DNAH3: variants seen among roughly 807,000 people sequenced by gnomAD.
The protein encoded by DNAH3 is dynein axonemal heavy chain 3.
Under a neutral mutation model 432.5 loss-of-function variants are expected in DNAH3, and 332 were observed. The ratio of observed to expected loss-of-function variants is 0.77; its 90% CI spans 0.70 to 0.84. DNAH3 has a LOEUF of 0.84. Among genes scored for constraint, DNAH3 ranks in the 40% least tolerant of loss-of-function variants. DNAH3 has a pLI of 0.00. For synonymous variants in DNAH3, 1,956 were observed against 1,900.2 expected, an observed-to-expected ratio of 1.03 and a Z score of -0.76; for missense variants, 4,861 against 5,114.0, an observed-to-expected ratio of 0.95 and a Z score of 1.51.
At chr16:21,050,146 A>C in intron 29 of DNAH3, 128 bp from the exon 30 acceptor site, 1 of 685,702 alleles carries the variant, frequency 1.5e-6, no homozygotes, top group Non-Finnish European at 2.4e-6. Context: ...TTTGCCATTG[A>C]AAGTAATGCT....
intron 25 of DNAH3, among the ~76,000 whole-genome samples, 170 bp from the exon 26 acceptor site, chr16:21,060,526 CTTTTTTTTTTT>C (rs375746116): frequency 3.2e-5 from 3 of 93,420 alleles, no homozygotes; most frequent in Admixed American, 1.4e-4. Context: ...TTTTTTTTTT[CTTTTTTTTTTT>C]TTTTTTGATA....
intron 54 of DNAH3, among the ~76,000 whole-genome samples, chr16:20,958,935 T>G (rs1868871840): frequency 6.6e-6 from 1 of 152,038 alleles, no homozygotes; most frequent in Non-Finnish European, 1.5e-5. Context: ...GCCTGGCTAA[T>G]TTTTGTATTT....
intron 20 of DNAH3, among the ~76,000 whole-genome samples, chr16:21,078,998 A>G (rs1214097568): frequency 1.3e-5 from 2 of 152,232 alleles, no homozygotes; most frequent in Non-Finnish European, 2.9e-5. Context: ...GGCGCACAGA[A>G]GGAAACAACT....
chr16:20,989,818 C>G (rs1306163480), intron 44 of DNAH3, among the ~76,000 whole-genome samples: 2 of 152,238 alleles, frequency 1.3e-5, no homozygotes, highest in Non-Finnish European at 2.9e-5. Flanking sequence ...AGTGAGAAAT[C>G]GAGCGCAGCA....
At chr16:21,145,089 G>T (rs1449513138) in intron 3 of DNAH3, 92 bp downstream of exon 4, 1 of 1,148,166 alleles carries the variant, frequency 8.7e-7, no homozygotes, top group Non-Finnish European at 1.2e-6. Context: ...TCCAGCCTGG[G>T]CGACAGAGTG....
rs748722264 is a variant in DNAH3 at position 20,963,739 on chromosome 16, A to C, written c.10145T>G (p.Met3382Arg). 1.9e-6 allele frequency: 3 copies of C among 1,614,054 alleles called. No homozygotes were observed. The Admixed American group carries it at 5.0e-5, about 27-fold the overall frequency. The change falls in exon 53 of 62, where the codon ATG becomes AGG. Residue 3382 changes from methionine (M) to arginine (R), a missense_variant. Physicochemically the swap from Met to Arg is moderately conservative, Grantham distance 91 (BLOSUM62 -1). Transcript: ENST00000261383. ...CTCCGTAATTTCCTTCTTCTGTTTC[A>C]TGATGCCGATGGTCAGGAGGAGAGA...
chr16:21,157,871 C>A (rs1157182202), intron 1 of DNAH3, among the ~76,000 whole-genome samples: 4 of 150,976 alleles, frequency 2.6e-5, no homozygotes, highest in Admixed American at 1.3e-4. Flanking sequence ...GACGATGGGG[C>A]CTTCCAGGGG....
intron 1 of DNAH3, chr16:21,158,816 G>C (rs2092922558): frequency 6.2e-6 from 1 of 160,682 alleles, no homozygotes; most frequent in Admixed American, 6.0e-5. Context: ...GCCGGGCGGG[G>C]ACAGAGGAGG....
chr16:20,955,024 A>G (rs755205945), exon 55 of DNAH3: 2 of 1,612,768 alleles, frequency 1.2e-6, no homozygotes, highest in Non-Finnish European at 1.7e-6. Flanking sequence ...TGCTGACTGG[A>G]AACTTCTCTG....
At chr16:20,965,459 A>C in intron 52 of DNAH3, 34 bp from the exon 53 acceptor site, 1 of 1,479,150 alleles carries the variant, frequency 6.8e-7, no homozygotes, top group Non-Finnish European at 9.0e-7. Context: ...TAATGTGTTA[A>C]GACATTCTGG....
intron 1 of DNAH3, among the ~76,000 whole-genome samples, chr16:21,156,996 A>AACACACACACAC (rs34199213): frequency 0.03 from 4,475 of 147,472 alleles, 119 homozygotes; most frequent in African/African-American, 0.062. Flanking sequence ...AATCTAAGGA[A>AACACACACACAC]ACACACACAC....
At chr16:20,972,625 T>C (rs1173448228) in intron 51 of DNAH3, among the ~76,000 whole-genome samples, 1 of 152,068 alleles carries the variant, frequency 6.6e-6, no homozygotes, top group Non-Finnish European at 1.5e-5. Context: ...GTATTCATTA[T>C]GTGACTCTGA....
intron 56 of DNAH3, among the ~76,000 whole-genome samples, chr16:20,950,241 C>T (rs2084251596): frequency 6.6e-6 from 1 of 152,196 alleles, no homozygotes; most frequent in African/African-American, 2.4e-5. Flanking sequence ...TTAGGGAACA[C>T]TCTACTGAGT....
chr16:21,033,616 G>T (rs1597196509), intron 36 of DNAH3, among the ~76,000 whole-genome samples: 2 of 152,168 alleles, frequency 1.3e-5, no homozygotes, highest in Non-Finnish European at 2.9e-5. Flanking sequence ...AACAGGAAAA[G>T]AAGAGAATAG....
chr16:20,939,550 C>T (rs1317851143), intron 59 of DNAH3, among the ~76,000 whole-genome samples: 3 of 149,872 alleles, frequency 2.0e-5, no homozygotes, highest in Non-Finnish European at 4.4e-5. Flanking sequence ...AGGTGGAGGT[C>T]GCAGTGAGCC....
chr16:20,948,421 G>A, intron 57 of DNAH3, 62 bp downstream of exon 57: 1 of 1,551,972 alleles, frequency 6.4e-7, no homozygotes, highest in South Asian at 1.2e-5. Flanking sequence ...CAGCCCTGTA[G>A]CCATATAGAG....
intron 44 of DNAH3, among the ~76,000 whole-genome samples, chr16:20,995,255 T>C (rs1410397291): frequency 6.6e-6 from 1 of 152,100 alleles, no homozygotes; most frequent in Non-Finnish European, 1.5e-5. Flanking sequence ...TTTCTTTCTT[T>C]TTTTGAGACA....
exon 43 of DNAH3, chr16:21,000,383 G>T: frequency 5.6e-6 from 9 of 1,614,150 alleles, no homozygotes; most frequent in Non-Finnish European, 7.6e-6. Flanking sequence ...AGGTGGAGAA[G>T]GAAGTTGTTG....
At position 21,071,705 on chromosome 16, in the gene DNAH3, T is replaced by C. The variant is rs1437880492; in HGVS notation, c.3085-879A>G. 3.3e-5 allele frequency among the ~76,000 whole-genome samples: 5 copies of C among 151,992 alleles called. No homozygotes were observed. In the East Asian group the frequency reaches 7.8e-4, roughly 24 times the overall value. ...GAATTCAAGACCAGCCTAGGCAACA[T>C]AGCAAGACCCCATCTCTAAAAATTT... On this transcript the variant is annotated intron_variant, in intron 21 of 61. Coordinates refer to ENST00000261383, the Ensembl canonical transcript of DNAH3.
Sources: gnomAD v4.1 joint callset for allele counts (sites outside exome capture counted in the v4.1 genomes callset) on GRCh38, gnomAD v4.1.1 for gene constraint, MANE v1.5 for transcripts, NCBI Gene and HGNC (gene_info 2026-07-23, HGNC 2026-07-21) for gene names.